Variants in DRC9 observed in about 807,000 individuals in gnomAD.
DRC9 encodes the protein dynein regulatory complex subunit 9, also known as dynein regulatory complex protein 9.
the DRC9 span, chr3:197,914,090 C>A: frequency 6.6e-7 from 1 of 1,508,014 alleles, no homozygotes; most frequent in Non-Finnish European, 9.2e-7. Context: ...ATTCTACCTC[C>A]ATTCAGTTCA....
chr3:197,893,235 T>C, the DRC9 span, among the ~76,000 whole-genome samples: 1 of 151,362 alleles, frequency 6.6e-6, no homozygotes, highest in Admixed American at 6.6e-5. Context: ...CGCATACCTG[T>C]AATCCCAGCT....
chr3:197,911,920 G>A, the DRC9 span, among the ~76,000 whole-genome samples: 1 of 152,084 alleles, frequency 6.6e-6, no homozygotes, highest in Non-Finnish European at 1.5e-5. Flanking sequence ...GATTACAGGC[G>A]TGAGCCACCA....
At chr3:197,926,408 T>C in the DRC9 span, among the ~76,000 whole-genome samples, 1 of 152,160 alleles carries the variant, frequency 6.6e-6, no homozygotes, top group Admixed American at 6.5e-5. Context: ...TGAGAAAAAG[T>C]GAAGAAGAGA....
chr3:197,954,336 G>T, the DRC9 span: 8 of 560,148 alleles, frequency 1.4e-5, no homozygotes, highest in Admixed American at 6.2e-5. Flanking sequence ...TTTGTTTTTT[G>T]TTTTTTTTTT....
At chr3:197,915,754 T>C in the DRC9 span, among the ~76,000 whole-genome samples, 16 of 151,174 alleles carry the variant, frequency 1.1e-4, no homozygotes, top group African/African-American at 3.9e-4. Context: ...CTCAGCCTTC[T>C]GAGTAGCTGG....
chr3:197,921,085 A>G, the DRC9 span, among the ~76,000 whole-genome samples: 2 of 144,638 alleles, frequency 1.4e-5, no homozygotes, highest in Admixed American at 6.8e-5. Flanking sequence ...GGTTTTCAGT[A>G]ACTCCGGGGA....
chr3:197,923,496 A>G, the DRC9 span, among the ~76,000 whole-genome samples: 1 of 152,160 alleles, frequency 6.6e-6, no homozygotes, highest in Admixed American at 6.6e-5. Context: ...TGGGGGGGCC[A>G]AGGCAGACAG....
At chr3:197,949,901 C>A in the DRC9 span, 2 of 397,654 alleles carry the variant, frequency 5.0e-6, no homozygotes, top group African/African-American at 2.1e-5. Flanking sequence ...CCACCTACGG[C>A]GTCCGGGGAC....
chr3:197,950,262 C>G, the DRC9 span: 2 of 1,230,184 alleles, frequency 1.6e-6, no homozygotes, highest in Non-Finnish European at 2.0e-6. Flanking sequence ...GGGCAAATAA[C>G]CGGAGTAGGT....
the DRC9 span, chr3:197,913,063 A>C: frequency 6.6e-6 from 2 of 301,122 alleles, no homozygotes; most frequent in Non-Finnish European, 1.3e-5. Context: ...GAGTGCCAGG[A>C]AGAGTGTTGA....
chr3:197,908,934 C>T, the DRC9 span, among the ~76,000 whole-genome samples: 6 of 150,834 alleles, frequency 4.0e-5, no homozygotes, highest in Admixed American at 2.6e-4. Context: ...GTCTGAAGAG[C>T]GAGCAACCCT....
At chr3:197,896,464 G>T in the DRC9 span, among the ~76,000 whole-genome samples, 1 of 152,050 alleles carries the variant, frequency 6.6e-6, no homozygotes, top group African/African-American at 2.4e-5. Context: ...TCCAAGAAAA[G>T]AAGGAAACAA....
chr3:197,900,395 C>T, the DRC9 span, among the ~76,000 whole-genome samples: 8 of 152,210 alleles, frequency 5.3e-5, no homozygotes, highest in African/African-American at 1.2e-4. This position sits in a 1 kb window ranked among gnomAD's most constrained non-coding sequence, Gnocchi z 4.7. Context: ...GTACAGAGGA[C>T]TTTGTCTTGC....
chr3:197,914,471 T>C, the DRC9 span, among the ~76,000 whole-genome samples: 25 of 152,216 alleles, frequency 1.6e-4, no homozygotes, highest in Non-Finnish European at 8.8e-5. Context: ...GCCTGAAGTA[T>C]CTCAGAGAGT....
chr3:197,950,237 G>A, the DRC9 span: 6 of 1,230,792 alleles, frequency 4.9e-6, no homozygotes, highest in East Asian at 1.9e-4. Context: ...TGAAGGGTCT[G>A]CTGCTGAAAT....
At chr3:197,945,545 A>G in the DRC9 span, 1 of 903,460 alleles carries the variant, frequency 1.1e-6, no homozygotes, top group South Asian at 1.5e-5. Flanking sequence ...GCAATAGATA[A>G]GGTATACACA....
At chr3:197,924,048 G>C in the DRC9 span, among the ~76,000 whole-genome samples, 15 of 151,174 alleles carry the variant, frequency 9.9e-5, no homozygotes, top group Non-Finnish European at 1.6e-4. Flanking sequence ...ACAGAGTGAA[G>C]ATCCTGTGTC....
the DRC9 span, among the ~76,000 whole-genome samples, chr3:197,915,163 C>CAAAA: frequency 9.0e-4 from 64 of 71,338 alleles, no homozygotes; most frequent in East Asian, 9.2e-3. Context: ...GATTCTGTCT[C>CAAAA]AAAAAAAAAA....
At chr3:197,889,696 C>G in the DRC9 span, 1 of 1,614,152 alleles carries the variant, frequency 6.2e-7, no homozygotes, top group Admixed American at 1.7e-5. Flanking sequence ...ATCATAGTGC[C>G]TCGCCACCAG....
Sources: allele counts gnomAD v4.1 joint callset (sites outside exome capture counted in the v4.1 genomes callset), GRCh38; gene constraint gnomAD v4.1.1; non-coding constraint Gnocchi (gnomAD v3.1); transcripts MANE v1.5; gene names NCBI Gene and HGNC (gene_info 2026-07-23, HGNC 2026-07-21).